SMIM9: variants seen among roughly 807,000 people sequenced by gnomAD.
SMIM9 encodes the protein small integral membrane protein 9.
SMIM9 carries 8 observed loss-of-function variants against 7.2 expected under a neutral mutation model. That is an observed-to-expected ratio of 1.10 (90% CI 0.65 to 1.99). The LOEUF (loss-of-function observed/expected upper bound fraction) is 1.99, where lower values mean the gene tolerates loss of function less well. SMIM9 is among the 30% of genes most tolerant of loss of function. The pLI, the probability that SMIM9 is intolerant of heterozygous loss-of-function variation, is 0.00. For missense variants in SMIM9, 76 were observed against 69.3 expected, an observed-to-expected ratio of 1.10 and a Z score of -0.34; for synonymous variants, 19 against 26.4, an observed-to-expected ratio of 0.72 and a Z score of 0.86.
chrX:154,834,179 A>C lies in SMIM9; in HGVS notation c.-210+384T>G, dbSNP rs962341085. Among the ~76,000 whole-genome samples, 7 of 112,564 alleles carry C rather than the reference A, an allele frequency of 6.2e-5. No homozygotes were observed. The Admixed American group carries it at 6.6e-4, about 11-fold the overall frequency. Reference sequence around the variant, plus strand: ...GGTGAAGTGGAGAAAGCAAGTATACACTGGAAGCCTGAAAAGAGAAGAGCC... The same window carrying C: ...GGTGAAGTGGAGAAAGCAAGTATACCCTGGAAGCCTGAAAAGAGAAGAGCC... On this transcript the variant is annotated intron_variant, in intron 1 of 4. Transcript: ENST00000369529.
rs1446199146 is a variant in SMIM9, at chrX:154,829,527, A to G, written c.272+8T>C. 8.6e-7 allele frequency: 1 copy of G among 1,164,635 alleles called. No homozygotes were observed. The highest frequency in any genetic ancestry group is 1.1e-6 in the Non-Finnish European group (1 of 872,094). ...TCCTCCCTGTCTCTTCTTCCCACAG[A>G]AGCTTACGTGAAGCAGCAGAGGATC... On this transcript the variant is annotated splice_region_variant and intron_variant, in intron 4 of 4. Coordinates refer to ENST00000369529, the MANE Select transcript of SMIM9 (RefSeq NM_001162936.4).
chrX:154,825,583 T>G (rs1162668296), intron 4 of SMIM9, among the ~76,000 whole-genome samples: 10 of 109,716 alleles, frequency 9.1e-5, no homozygotes, highest in East Asian at 2.9e-4. Context: ...TATACCCAAA[T>G]GATTATAAAT....
In SMIM9 at chrX:154,830,712, C is replaced by T. The variant is rs886873382; in HGVS notation, c.142+3G>A. 2.6e-6 allele frequency: 3 copies of T among 1,166,414 alleles called. No individual in the cohort carries two copies. The highest frequency in any genetic ancestry group is 2.3e-4 in the Middle Eastern group (1 of 4,302). ...GAAACATTCATCCTAACAGCAAACACACCCCCTGAGCGTGGTTTCGATCCT... is the reference window on the plus strand; with the variant it reads ...GAAACATTCATCCTAACAGCAAACATACCCCCTGAGCGTGGTTTCGATCCT... On this transcript the variant is annotated splice_donor_region_variant and intron_variant, in intron 3 of 4. Transcript: ENST00000369529.
intron 4 of SMIM9, among the ~76,000 whole-genome samples, chrX:154,825,212 A>AC (rs2072415783): frequency 9.0e-6 from 1 of 110,668 alleles, no homozygotes; most frequent in Non-Finnish European, 1.9e-5. Context: ...ACATGGTGAA[A>AC]CCCCGTCTCT....
chrX:154,829,465 C>G, intron 4 of SMIM9, 70 bp downstream of exon 4: 2 of 1,112,125 alleles, frequency 1.8e-6, no homozygotes, highest in Non-Finnish European at 2.4e-6. Flanking sequence ...TGGTGAGCAA[C>G]CTGTTTCTGT....
chrX:154,824,174 G>A (rs1194997886), intron 4 of SMIM9, among the ~76,000 whole-genome samples: 3 of 109,117 alleles, frequency 2.7e-5, no homozygotes, highest in Admixed American at 9.8e-5. Flanking sequence ...TGGCTAACAG[G>A]GTGAAACCCC....
At chrX:154,831,860 A>C (rs905971574) in intron 2 of SMIM9, among the ~76,000 whole-genome samples, 1 of 111,102 alleles carries the variant, frequency 9.0e-6, no homozygotes, top group Non-Finnish European at 1.9e-5. Context: ...TCACCTTCTC[A>C]ATGAGGATTT....
At chrX:154,824,587 G>A (rs1437689981) in intron 4 of SMIM9, among the ~76,000 whole-genome samples, 1 of 111,429 alleles carries the variant, frequency 9.0e-6, no homozygotes, top group Non-Finnish European at 1.9e-5. Flanking sequence ...GTTATAATCT[G>A]CTTTTTCCAC....
chrX:154,832,474 T>C (rs1438408906), intron 2 of SMIM9, 100 bp downstream of exon 2: 6 of 112,385 alleles, frequency 5.3e-5, no homozygotes, highest in African/African-American at 1.6e-4. Context: ...TGAGCCATTA[T>C]AATTTGGGCC....
At chrX:154,828,061 C>G (rs1169626761) in intron 4 of SMIM9, among the ~76,000 whole-genome samples, 3 of 111,697 alleles carry the variant, frequency 2.7e-5, no homozygotes, top group Admixed American at 1.9e-4. Context: ...CCTTCCACCC[C>G]CTATCTTCCA....
intron 4 of SMIM9, among the ~76,000 whole-genome samples, chrX:154,828,688 T>C (rs781795966): frequency 8.9e-6 from 1 of 111,944 alleles, no homozygotes; most frequent in Non-Finnish European, 1.9e-5. Context: ...AATCTATTTG[T>C]CTCCAATCAG....
chrX:154,829,201 AATTATTT>A (rs2072433869), intron 4 of SMIM9, among the ~76,000 whole-genome samples: 1 of 112,093 alleles, frequency 8.9e-6, no homozygotes, highest in Admixed American at 9.5e-5. Flanking sequence ...GAGCACAGCT[AATTATTT>A]ATTTTCTATG....
At position 154,830,913 on chromosome X, in the gene SMIM9, G is replaced by A. The variant is rs1009775668; in HGVS notation, c.-57C>T. 1 of 1,105,604 alleles carries A rather than the reference G, an allele frequency of 9.0e-7. No homozygotes were observed. The highest frequency in any genetic ancestry group is 1.2e-6 in the Non-Finnish European group (1 of 831,879). The allele number at this position is 1,105,604 out of a possible 1,213,427, so 91.1% of individuals were successfully genotyped here. On this transcript the variant is annotated 5_prime_UTR_variant, in exon 3 of 5. Coordinates refer to ENST00000369529, the MANE Select transcript of SMIM9 (RefSeq NM_001162936.4). ...TGGTAATCCTAGCTCACTCTGCCAA[G>A]GAGAGATGTCTTTGTCCGTAGGTCT...
chrX:154,831,398 T>A (rs1213356811), intron 2 of SMIM9, among the ~76,000 whole-genome samples: 1 of 112,265 alleles, frequency 8.9e-6, no homozygotes, highest in Non-Finnish European at 1.9e-5. Flanking sequence ...GTAACAAACT[T>A]TAAATTGCTT....
intron 4 of SMIM9, 115 bp from the exon 5 acceptor site, chrX:154,823,897 T>A: frequency 1.6e-6 from 1 of 631,336 alleles, no homozygotes; most frequent in African/African-American, 2.3e-5. Flanking sequence ...ACCAAATAAT[T>A]CCATACAAAC....
chrX:154,824,173 G>C (rs1055888259), intron 4 of SMIM9, among the ~76,000 whole-genome samples: 7 of 108,933 alleles, frequency 6.4e-5, no homozygotes, highest in South Asian at 7.9e-4. Context: ...CTGGCTAACA[G>C]GGTGAAACCC....
chrX:154,823,612 T>C lies in SMIM9; in HGVS notation c.*143A>G. On this transcript the variant is annotated 3_prime_UTR_variant, in exon 5 of 5. Coordinates refer to ENST00000369529, the MANE Select transcript of SMIM9 (RefSeq NM_001162936.4). ...AAATTGCAACTTTTGAAGGAGAAAA[T>C]GAAGGCAAAGGATGATTCAAGTTGG... 5 of 505,287 alleles carry C rather than the reference T, an allele frequency of 9.9e-6. No homozygotes were observed. The highest frequency in any genetic ancestry group is 1.5e-5 in the Non-Finnish European group (5 of 337,310). 41.6% of individuals were successfully genotyped at this position (505,287 alleles called of 1,213,427 possible). A position where few individuals can be genotyped will look rare whatever the true frequency, so the allele number is the denominator to read the frequency against.
rs1379869690 is a variant in SMIM9, at chrX:154,823,350, A to G, written c.*405T>C. The G allele has an allele frequency of 8.0e-6, 1 of 125,216 alleles. No homozygotes were observed. Among genetic ancestry groups the G allele is most frequent in the African/African-American group, 3.2e-5 (1 of 31,208 alleles). 10.3% of individuals were successfully genotyped at this position (125,216 alleles called of 1,213,427 possible). A position where few individuals can be genotyped will look rare whatever the true frequency, so the allele number is the denominator to read the frequency against. On this transcript the variant is annotated 3_prime_UTR_variant, in exon 5 of 5. Coordinates refer to ENST00000369529, the MANE Select transcript of SMIM9 (RefSeq NM_001162936.4). ...AAACATAACTGACCACAGGGCCCTCACTGTTTTGTGACTTTTATTAAAACA... is the reference window on the plus strand; with the variant it reads ...AAACATAACTGACCACAGGGCCCTCGCTGTTTTGTGACTTTTATTAAAACA...
At chrX:154,826,895 G>T (rs189426908) in intron 4 of SMIM9, among the ~76,000 whole-genome samples, 82 of 112,566 alleles carry the variant, frequency 7.3e-4, no homozygotes, top group African/African-American at 2.4e-3. Flanking sequence ...GCAGATGTAG[G>T]TCTGAGCATA....
Sources: gnomAD v4.1 joint callset for allele counts (sites outside exome capture counted in the v4.1 genomes callset) on GRCh38, gnomAD v4.1.1 for gene constraint, MANE v1.5 for transcripts, NCBI Gene and HGNC (gene_info 2026-07-23, HGNC 2026-07-21) for gene names.